Variants in PKHD1L1 observed in about 807,000 individuals in gnomAD.
The protein encoded by PKHD1L1 is fibrocystin-L.
PKHD1L1 carries 434 observed loss-of-function variants against 462.9 expected under a neutral mutation model. The ratio of observed to expected loss-of-function variants is 0.94; its 90% CI spans 0.87 to 1.02. PKHD1L1 has a LOEUF of 1.02. PKHD1L1 is among the 50% of genes least tolerant of loss of function. PKHD1L1 has a pLI of 0.00. For synonymous variants in PKHD1L1, 1,781 were observed against 1,750.0 expected (o/e 1.02, Z -0.44); for missense variants, 5,202 against 5,096.1 (o/e 1.02, Z -0.63).
In PKHD1L1 at chr8:109,438,399, A is replaced by G; in HGVS notation, c.3703A>G (p.Asn1235Asp). 1 of 1,540,390 alleles carries G rather than the reference A, an allele frequency of 6.5e-7. No homozygotes were observed. The highest frequency in any genetic ancestry group is 2.4e-5 in the East Asian group (1 of 40,852). ...CACAGCAAGGGATGCTTTTAGTTAT[A>G]ATTGTTTACAGACACCAATTATAAC... ...QATARDAFSY[N>D]CLQTPIITDF... Residue 1235 changes from asparagine to aspartate, a missense_variant, in exon 31 of 78, where the codon AAT becomes GAT. By Grantham distance (23) the Asn-to-Asp change is conservative (BLOSUM62 1). This residue lies in a region of PKHD1L1 where 4,497 missense variants were observed against 4,336.8 expected (regional missense o/e 1.04). Coordinates refer to ENST00000378402, the MANE Select transcript of PKHD1L1 (RefSeq NM_177531.6).
At position 109,440,631 on chromosome 8, in the gene PKHD1L1, G is replaced by A. The variant is rs763950242; in HGVS notation, c.3957-79G>A. On this transcript the variant is annotated intron_variant, in intron 32 of 77. Coordinates refer to ENST00000378402, the MANE Select transcript of PKHD1L1 (RefSeq NM_177531.6). ...TATCCAGTTATTTCCTCTTTCTAAA[G>A]AAGTCATATCCTAGCAAGAGTTTAG... 3.5e-5 allele frequency: 45 copies of A among 1,285,498 alleles called. No homozygotes were observed. In the Middle Eastern group the frequency reaches 7.2e-4, roughly 21 times the overall value. 79.6% of individuals were successfully genotyped at this position (1,285,498 alleles called of 1,614,324 possible).
chr8:109,448,326 G>T lies in PKHD1L1; in HGVS notation c.5960G>T (p.Gly1987Val). 6.2e-7 allele frequency: 1 copy of T among 1,613,500 alleles called. No individual in the cohort carries two copies. The highest frequency in any genetic ancestry group is 8.5e-7 in the Non-Finnish European group (1 of 1,179,714). Residue 1987 changes from glycine (G) to valine (V), a missense_variant, in exon 39 of 78, where the codon GGC becomes GTC. By Grantham distance (109) the Gly-to-Val change is moderately radical (BLOSUM62 -3). Around this residue, in one of 3 missense-constraint regions of PKHD1L1, gnomAD observed 4,497 missense variants for 4,336.8 expected, o/e 1.04. Coordinates refer to ENST00000378402, the MANE Select transcript of PKHD1L1 (RefSeq NM_177531.6). ...GTTATGATGCATCATAAGACAAAAG[G>T]CTCAGCCATGTCCACAGTTGTATTT... ...FPVMMHHKTK[G>V]SAMSTVVFEY... is the part of the protein sequence containing the mutation.
chr8:109,464,054 G>T (rs1290659520), intron 48 of PKHD1L1, among the ~76,000 whole-genome samples, 162 bp from the exon 49 acceptor site: 1 of 151,928 alleles, frequency 6.6e-6, no homozygotes, highest in African/African-American at 2.4e-5. Flanking sequence ...ATAAAACATG[G>T]TGGGTTGGGG....
chr8:109,374,725 G>C (rs1458816236), intron 2 of PKHD1L1, among the ~76,000 whole-genome samples: 4 of 152,088 alleles, frequency 2.6e-5, no homozygotes, highest in Admixed American at 2.0e-4. Context: ...GCATTTGCTT[G>C]TCTGTAAAGT....
At chr8:109,369,195 CA>C (rs1323782499) in intron 2 of PKHD1L1, among the ~76,000 whole-genome samples, 1 of 128,384 alleles carries the variant, frequency 7.8e-6, no homozygotes, top group Non-Finnish European at 1.7e-5. Context: ...AGGTTGGTCT[CA>C]AACTCCTGAC....
chr8:109,412,117 T>C, intron 19 of PKHD1L1, 148 bp from the exon 20 acceptor site: 1 of 729,578 alleles, frequency 1.4e-6, no homozygotes, highest in South Asian at 2.2e-5. Context: ...GAGCTTTAGA[T>C]TTCAGACAAG....
rs144439270 is a variant in PKHD1L1, at chr8:109,480,527, A to T, written c.9327+388A>T. 173 of 439,660 alleles carry T rather than the reference A, an allele frequency of 3.9e-4. 1 individual carries two copies. The East Asian group carries it at 9.8e-3, about 25-fold the overall frequency. 27.2% of individuals were successfully genotyped at this position (439,660 alleles called of 1,614,324 possible). Reference sequence around the variant, plus strand: ...ACAAACAGTATTTAAAAAAAAAACCAAAGGGACATAGATGGAATTGTGAAA... The same window carrying T: ...ACAAACAGTATTTAAAAAAAAAACCTAAGGGACATAGATGGAATTGTGAAA... On this transcript the variant is annotated intron_variant, in intron 55 of 77. Coordinates refer to ENST00000378402, the MANE Select transcript of PKHD1L1 (RefSeq NM_177531.6).
chr8:109,372,471 C>T (rs1020851557), intron 2 of PKHD1L1, among the ~76,000 whole-genome samples: 4 of 152,204 alleles, frequency 2.6e-5, no homozygotes, highest in Non-Finnish European at 5.9e-5. Context: ...TTGACTTCCT[C>T]TTTTCCTAAT....
intron 7 of PKHD1L1, 83 bp downstream of exon 7, chr8:109,388,633 C>A: frequency 3.3e-6 from 3 of 896,134 alleles, no homozygotes; most frequent in South Asian, 1.5e-5. Context: ...GCTACCAATA[C>A]TGCATAGCTA....
intron 72 of PKHD1L1, among the ~76,000 whole-genome samples, chr8:109,516,260 G>A (rs1231054599): frequency 6.6e-6 from 1 of 152,016 alleles, no homozygotes; most frequent in Non-Finnish European, 1.5e-5. Flanking sequence ...AAATTGAGTG[G>A]CTCAAACAAC....
chr8:109,445,555 A>G lies in PKHD1L1; in HGVS notation c.5686A>G (p.Ile1896Val). 6.2e-7 allele frequency: 1 copy of G among 1,612,578 alleles called. No homozygotes were observed. Among genetic ancestry groups the G allele is most frequent in the Non-Finnish European group, 8.5e-7 (1 of 1,179,220 alleles). ...GACCACTGGAATGGTCGATGTTAAA[A>G]TCTTTGTTAATACAATTGCTTATCC... ...AGTTGMVDVK[I>V]FVNTIAYPPL... Residue 1896 changes from isoleucine (I) to valine (V), a missense_variant, in exon 38 of 78, where the codon ATC becomes GTC. By Grantham distance (29) the Ile-to-Val change is conservative. Around this residue, in one of 3 missense-constraint regions of PKHD1L1, gnomAD observed 4,497 missense variants for 4,336.8 expected, o/e 1.04. Transcript: ENST00000378402.
At chr8:109,507,567 G>T in intron 68 of PKHD1L1, 96 bp from the exon 69 acceptor site, 1 of 1,025,154 alleles carries the variant, frequency 9.8e-7, no homozygotes, top group Non-Finnish European at 1.4e-6. Context: ...AAATTCAATA[G>T]ATCAATTTTT....
chr8:109,512,572 A>G (rs1007542138), intron 71 of PKHD1L1, among the ~76,000 whole-genome samples: 3 of 150,620 alleles, frequency 2.0e-5, no homozygotes, highest in Admixed American at 2.0e-4. Flanking sequence ...TTTTGGTACC[A>G]GTACCATGCT....
intron 63 of PKHD1L1, 133 bp from the exon 64 acceptor site, chr8:109,496,786 C>T: frequency 1.1e-6 from 1 of 899,038 alleles, no homozygotes; most frequent in East Asian, 2.6e-5. Flanking sequence ...AATATTTGAT[C>T]ATATTAAACC....
chr8:109,456,235 A>G (rs1816815057), intron 45 of PKHD1L1, 27 bp from the exon 46 acceptor site: 6 of 1,589,048 alleles, frequency 3.8e-6, no homozygotes, highest in Non-Finnish European at 4.3e-6. Context: ...CATGTAAGGA[A>G]ATACTCAGTG....
intron 73 of PKHD1L1, among the ~76,000 whole-genome samples, chr8:109,521,597 G>A (rs1438933429): frequency 6.6e-6 from 1 of 152,116 alleles, no homozygotes; most frequent in Non-Finnish European, 1.5e-5. Flanking sequence ...TTTAAGGTAA[G>A]GAGCACTGTG....
At chr8:109,483,469 G>C (rs978934804) in intron 57 of PKHD1L1, among the ~76,000 whole-genome samples, 1 of 148,348 alleles carries the variant, frequency 6.7e-6, no homozygotes, top group Admixed American at 6.8e-5. Context: ...GCTAATATAT[G>C]TAATATATGT....
rs779323028 is a variant in PKHD1L1, at chr8:109,404,659, A to G, written c.1479A>G (p.Ala493=). 6.8e-6 allele frequency: 11 copies of G among 1,608,708 alleles called. No individual in the cohort carries two copies. Among genetic ancestry groups the G allele is most frequent in the Non-Finnish European group, 9.3e-6 (11 of 1,177,220 alleles). ...ATACTGAACAACAAACAGGAGATGCAGTGAATGAAGAACAAGTTATCAAAT... is the reference window on the plus strand; with the variant it reads ...ATACTGAACAACAAACAGGAGATGCGGTGAATGAAGAACAAGTTATCAAAT... The part of the protein sequence containing the change: ...NVYTEQQTGD[A]VNEEQVIKSQ... Residue 493 remains alanine, a synonymous_variant, in exon 15 of 78, where the codon GCA becomes GCG. Transcript: ENST00000378402.
Position 109,430,019 on chromosome 8 carries a change from G to A in PKHD1L1, c.3211G>A (p.Ala1071Thr), listed in dbSNP as rs760494475. The change falls in exon 27 of 78, where the codon GCG becomes ACG. Residue 1071 changes from alanine (A) to threonine (T), a missense_variant. Around this residue, in one of 3 missense-constraint regions of PKHD1L1, gnomAD observed 4,497 missense variants for 4,336.8 expected, o/e 1.04. Coordinates refer to ENST00000378402, the MANE Select transcript of PKHD1L1 (RefSeq NM_177531.6). ...TTCCAACATTACTCCCCTAGTCTTGGCGATAAGCCCTTCTCAAGGTAACTT... is the reference window on the plus strand; with the variant it reads ...TTCCAACATTACTCCCCTAGTCTTGACGATAAGCCCTTCTCAAGGTAACTT... ...WDSNITPLVL[A>T]ISPSQGSYEE... 1 of 1,607,008 alleles carries A rather than the reference G, an allele frequency of 6.2e-7. No homozygotes were observed. Among genetic ancestry groups the A allele is most frequent in the Non-Finnish European group, 8.5e-7 (1 of 1,177,604 alleles).
Sources: gnomAD v4.1 joint callset for allele counts (sites outside exome capture counted in the v4.1 genomes callset) on GRCh38, gnomAD v4.1.1 for gene constraint, gnomAD v4.1.1 regional missense constraint, MANE v1.5 for transcripts, NCBI Gene and HGNC (gene_info 2026-07-23, HGNC 2026-07-21) for gene names.